FAIM2: variants seen among roughly 807,000 people sequenced by gnomAD.
The protein encoded by FAIM2 is protein lifeguard 2.
FAIM2 carries 27 observed loss-of-function variants against 47.4 expected under a neutral mutation model. The observed-to-expected ratio is 0.57, with a 90% confidence interval of 0.42 to 0.78. FAIM2 has a LOEUF of 0.78. FAIM2 is among the 30% of genes least tolerant of loss of function. The pLI, the probability that FAIM2 is intolerant of heterozygous loss-of-function variation, is 0.00. For synonymous variants in FAIM2, 156 were observed against 159.3 expected, an observed-to-expected ratio of 0.98 and a Z score of 0.16; for missense variants, 311 against 389.4, an observed-to-expected ratio of 0.80 and a Z score of 1.69.
chr12:49,889,327 C>T lies in FAIM2; in HGVS notation c.652-125G>A, dbSNP rs546605807. The T allele has an allele frequency of 7.2e-5, 68 of 950,678 alleles. No individual in the cohort carries two copies. In the African/African-American group the frequency reaches 9.6e-4, roughly 13 times the overall value. The allele number at this position is 950,678 out of a possible 1,614,324, so 58.9% of individuals were successfully genotyped here. A position where few individuals can be genotyped will look rare whatever the true frequency, so the allele number is the denominator to read the frequency against. On this transcript the variant is annotated intron_variant, in intron 9 of 11. Coordinates refer to ENST00000320634, the MANE Select transcript of FAIM2 (RefSeq NM_012306.4). ...CCCCAAGAACCTGGCATTCCTTCCC[C>T]TCCTCCCCCTCATCAGGTGGCTTCC...
chr12:49,889,434 G>A (rs776551275), intron 9 of FAIM2, 47 bp downstream of exon 9: 1 of 1,554,896 alleles, frequency 6.4e-7, no homozygotes, highest in Non-Finnish European at 8.9e-7. Context: ...GCCTTCCCCT[G>A]CTCAGCCTCA....
At position 49,889,537 on chromosome 12, in the gene FAIM2, G is replaced by C. The variant is rs1442221487; in HGVS notation, c.595C>G (p.Leu199Val). Residue 199 changes from leucine (L) to valine (V), a missense_variant, in exon 9 of 12, where the codon CTG becomes GTG. Transcript: ENST00000320634. ...YYNTTSVLLC[L>V]GITALVCLSV... Reference sequence around the variant, plus strand: ...AGGCAGACAAGGGCCGTGATGCCCAGGCACAGCAGCACGGAGGTGGTGTTG... The same window carrying C: ...AGGCAGACAAGGGCCGTGATGCCCACGCACAGCAGCACGGAGGTGGTGTTG... 3 of 1,614,022 alleles carry C rather than the reference G, an allele frequency of 1.9e-6. No homozygotes were observed. In the African/African-American group the frequency reaches 4.0e-5, roughly 22 times the overall value.
chr12:49,890,735 C>A lies in FAIM2; in HGVS notation c.486-13G>T. 1 of 1,613,806 alleles carries A rather than the reference C, an allele frequency of 6.2e-7. No individual in the cohort carries two copies. The highest frequency in any genetic ancestry group is 8.5e-7 in the Non-Finnish European group (1 of 1,179,730). ...GGGGAAATGCCTCCTGCAAGGCAAG[C>A]CACAGAGTTCAGGGGATCGTAGGGG... On this transcript the variant is annotated splice_polypyrimidine_tract_variant and intron_variant, in intron 6 of 11. Coordinates refer to ENST00000320634, the MANE Select transcript of FAIM2 (RefSeq NM_012306.4).
At chr12:49,876,881 G>A (rs1254437344) in intron 11 of FAIM2, among the ~76,000 whole-genome samples, 5 of 152,222 alleles carry the variant, frequency 3.3e-5, no homozygotes, top group Non-Finnish European at 7.3e-5. Flanking sequence ...AACAGCCTGT[G>A]AGACAGGCAG....
chr12:49,870,473 C>A lies in FAIM2; in HGVS notation c.*31G>T. ...GACAGGGAACCAGGAGGGGCGCATTCTCTGGAGGACGGTGGGGCAGGGAGG... is the reference window on the plus strand; with the variant it reads ...GACAGGGAACCAGGAGGGGCGCATTATCTGGAGGACGGTGGGGCAGGGAGG... On this transcript the variant is annotated 3_prime_UTR_variant, in exon 12 of 12. Coordinates refer to ENST00000320634, the MANE Select transcript of FAIM2 (RefSeq NM_012306.4). 2 of 1,605,956 alleles carry A rather than the reference C, an allele frequency of 1.2e-6. No individual in the cohort carries two copies. Among genetic ancestry groups the A allele is most frequent in the Non-Finnish European group, 1.7e-6 (2 of 1,174,398 alleles).
In FAIM2 at chr12:49,900,635, C is replaced by A. The variant is rs181643308; in HGVS notation, c.211+495G>T. ...GAGAAGAGTGATTGGTGAGGTGGAT[C>A]CCCAGACCCCTATCCCCCAACAGCC... On this transcript the variant is annotated intron_variant, in intron 2 of 11. Coordinates refer to ENST00000320634, the MANE Select transcript of FAIM2 (RefSeq NM_012306.4). Among the ~76,000 whole-genome samples, 8 of 152,168 alleles carry A rather than the reference C, an allele frequency of 5.3e-5. No individual in the cohort carries two copies. In the East Asian group the frequency reaches 1.6e-3, roughly 29 times the overall value.
intron 11 of FAIM2, among the ~76,000 whole-genome samples, chr12:49,885,443 C>A (rs1476971022): frequency 6.6e-6 from 1 of 152,206 alleles, no homozygotes; most frequent in Non-Finnish European, 1.5e-5. Flanking sequence ...TGGCCCTCCT[C>A]TTTCTCTCCT....
intron 11 of FAIM2, among the ~76,000 whole-genome samples, chr12:49,881,185 A>C (rs1592788314): frequency 6.8e-6 from 1 of 148,040 alleles, no homozygotes. Context: ...GCCCCCACCC[A>C]CCCCGGCTCT....
At chr12:49,892,546 T>A (rs371163246) in intron 5 of FAIM2, among the ~76,000 whole-genome samples, 160 of 152,270 alleles carry the variant, frequency 1.1e-3, no homozygotes, top group African/African-American at 3.4e-3. Context: ...TCAGTCCTTA[T>A]CTTGCCTGGC....
intron 2 of FAIM2, chr12:49,900,183 T>C (rs1425796863): frequency 7.8e-7 from 1 of 1,286,832 alleles, no homozygotes; most frequent in Admixed American, 2.3e-5. Flanking sequence ...TAGGTCACGG[T>C]GGGGTGAGTC....
Position 49,898,101 on chromosome 12 carries a change from C to T in FAIM2, c.212-11G>A, listed in dbSNP as rs371276781. ...AGCTGGAGCTGCTGCCTGTGTGGCA[C>T]GTGGAGGAGGAGGACATGAGGGTTC... On this transcript the variant is annotated splice_polypyrimidine_tract_variant and intron_variant, in intron 2 of 11. Transcript: ENST00000320634. 8.1e-5 allele frequency: 130 copies of T among 1,605,448 alleles called. No individual in the cohort carries two copies. Among genetic ancestry groups the T allele is most frequent in the Non-Finnish European group, 1.0e-4 (121 of 1,172,294 alleles).
intron 11 of FAIM2, among the ~76,000 whole-genome samples, chr12:49,875,437 G>A (rs1262922606): frequency 6.6e-6 from 1 of 152,148 alleles, no homozygotes; most frequent in Non-Finnish European, 1.5e-5. Flanking sequence ...GTGAGGGGGT[G>A]AGGGAGTGAA....
chr12:49,877,881 T>A (rs995311829), intron 11 of FAIM2, among the ~76,000 whole-genome samples: 2 of 151,056 alleles, frequency 1.3e-5, no homozygotes, highest in African/African-American at 4.9e-5. Context: ...TATACATATA[T>A]GTGTATGTGG....
At chr12:49,880,008 G>A (rs376415178) in intron 11 of FAIM2, among the ~76,000 whole-genome samples, 2 of 148,008 alleles carry the variant, frequency 1.4e-5, no homozygotes, top group South Asian at 2.2e-4. Flanking sequence ...GCATATATGC[G>A]TGTGTATGTG....
intron 11 of FAIM2, among the ~76,000 whole-genome samples, chr12:49,879,715 T>C (rs1302527998): frequency 1.3e-5 from 2 of 150,938 alleles, no homozygotes; most frequent in Non-Finnish European, 3.0e-5. Context: ...TGTGTGTGTG[T>C]ATATGTGCAA....
chr12:49,897,426 C>A lies in FAIM2; in HGVS notation c.380+93G>T, dbSNP rs1235021306. The A allele has an allele frequency of 5.9e-6, 7 of 1,189,134 alleles. No homozygotes were observed. The African/African-American group carries it at 1.0e-4, about 18-fold the overall frequency. 73.7% of individuals were successfully genotyped at this position (1,189,134 alleles called of 1,614,324 possible). On this transcript the variant is annotated intron_variant, in intron 4 of 11. Coordinates refer to ENST00000320634, the MANE Select transcript of FAIM2 (RefSeq NM_012306.4). ...ACTGCCCCACAGGCATCTCTCCAGG[C>A]AGCATTCCAGCAGGAGTCTGATCAT...
At chr12:49,899,482 C>CTA (rs1946966256) in intron 2 of FAIM2, among the ~76,000 whole-genome samples, 1 of 152,196 alleles carries the variant, frequency 6.6e-6, no homozygotes, top group African/African-American at 2.4e-5. Context: ...TCCAGCCCCG[C>CTA]TATACATTCC....
intron 2 of FAIM2, chr12:49,900,178 C>T: frequency 1.6e-6 from 2 of 1,286,742 alleles, no homozygotes; most frequent in Non-Finnish European, 2.0e-6. Context: ...TCCAGTAGGT[C>T]ACGGTGGGGT....
rs1482719508 is a variant in FAIM2, at chr12:49,878,109, TGTATGTGG to T, written c.802-7464_802-7457del. Among the ~76,000 whole-genome samples, 160 of 134,924 alleles carry T rather than the reference TGTATGTGG, an allele frequency of 1.2e-3. 7 individuals are homozygous for T. The highest frequency in any genetic ancestry group is 4.0e-3 in the African/African-American group (141 of 35,280). 88.5% of individuals were successfully genotyped at this position (134,924 alleles called of 152,430 possible). A position where few individuals can be genotyped will look rare whatever the true frequency, so the allele number is the denominator to read the frequency against. On this transcript the variant is annotated intron_variant, in intron 11 of 11. Coordinates refer to ENST00000320634, the MANE Select transcript of FAIM2 (RefSeq NM_012306.4). ...ATGTGAGTGCATGTGTGTGCATGTG[TGTATGTGG>T]GTATGTGTGCATGTGAGTGTGCATG...
Sources: gnomAD v4.1 joint callset for allele counts (sites outside exome capture counted in the v4.1 genomes callset) on GRCh38, gnomAD v4.1.1 for gene constraint, MANE v1.5 for transcripts, NCBI Gene and HGNC (gene_info 2026-07-23, HGNC 2026-07-21) for gene names.